Variants in NEK5 observed in about 807,000 individuals in gnomAD.
The protein encoded by NEK5 is NIMA related kinase 5, also known as serine/threonine-protein kinase Nek5.
Under a neutral mutation model 109.2 loss-of-function variants are expected in NEK5, and 88 were observed. The ratio of observed to expected loss-of-function variants is 0.81; its 90% CI spans 0.68 to 0.96. The LOEUF (loss-of-function observed/expected upper bound fraction) is 0.96, where lower values mean the gene tolerates loss of function less well. NEK5 is among the 40% of genes least tolerant of loss of function. NEK5 has a pLI of 0.00. For missense variants in NEK5, 834 were observed against 920.7 expected, an observed-to-expected ratio of 0.91 and a Z score of 1.22; for synonymous variants, 283 against 299.9, an observed-to-expected ratio of 0.94 and a Z score of 0.58.
chr13:52,042,261 C>G (rs1033134697), intron 23 of NEK5, among the ~76,000 whole-genome samples: 1 of 150,854 alleles, frequency 6.6e-6, no homozygotes, highest in Non-Finnish European at 1.5e-5. Flanking sequence ...TATACATCAA[C>G]AAGAAAAAAA....
chr13:52,049,989 T>C (rs1316395706), intron 23 of NEK5, 115 bp downstream of exon 23: 1 of 186,186 alleles, frequency 5.4e-6, no homozygotes, highest in African/African-American at 2.4e-5. Flanking sequence ...AACCCGTGCA[T>C]TGTAAAACTT....
At chr13:52,045,581 A>C (rs12560598) in intron 23 of NEK5, among the ~76,000 whole-genome samples, 80,963 of 139,522 alleles carry the variant, frequency 0.58, 25,741 homozygotes, top group Non-Finnish European at 0.71. Context: ...CTGGCTAACA[A>C]GGTGAAACCC....
chr13:52,079,475 T>G (rs1242094542), intron 17 of NEK5, among the ~76,000 whole-genome samples: 1 of 152,226 alleles, frequency 6.6e-6, no homozygotes, highest in African/African-American at 2.4e-5. Context: ...GGTTTTCGTA[T>G]TTTTTTGGTG....
intron 13 of NEK5, among the ~76,000 whole-genome samples, chr13:52,091,655 C>CA (rs201469213): frequency 3.4e-3 from 513 of 151,780 alleles, no homozygotes; most frequent in Middle Eastern, 0.01. Flanking sequence ...TAACCCTGAA[C>CA]AAAAAAAATT....
At chr13:52,115,378 G>A (rs1468943935) in intron 4 of NEK5, among the ~76,000 whole-genome samples, 2 of 151,014 alleles carry the variant, frequency 1.3e-5, no homozygotes, top group African/African-American at 4.9e-5. Context: ...GCCGAGATGA[G>A]TGGATCACCT....
intron 17 of NEK5, among the ~76,000 whole-genome samples, chr13:52,078,257 T>A (rs996835587): frequency 1.3e-5 from 2 of 152,218 alleles, no homozygotes; most frequent in Non-Finnish European, 2.9e-5. Flanking sequence ...GCAACATAGA[T>A]AAATCTCAAC....
intron 1 of NEK5, chr13:52,128,804 T>C (rs879755485): frequency 6.6e-6 from 1 of 152,084 alleles, no homozygotes; most frequent in Admixed American, 6.5e-5. Flanking sequence ...CGGCCGCGGG[T>C]GAGTGGCAAG....
At chr13:52,041,201 G>A (rs1954410172) in intron 23 of NEK5, among the ~76,000 whole-genome samples, 1 of 152,006 alleles carries the variant, frequency 6.6e-6, no homozygotes, top group South Asian at 2.1e-4. Flanking sequence ...GAAAAAAATT[G>A]GACCATGAAC....
At chr13:52,090,319 G>T (rs1450787813) in intron 13 of NEK5, among the ~76,000 whole-genome samples, 1 of 152,084 alleles carries the variant, frequency 6.6e-6, no homozygotes, top group Admixed American at 6.6e-5. Flanking sequence ...AACTTCTAAG[G>T]CTCCAAAGAC....
chr13:52,050,459 G>T (rs1237210039), intron 22 of NEK5, among the ~76,000 whole-genome samples: 1 of 151,944 alleles, frequency 6.6e-6, no homozygotes, highest in South Asian at 2.1e-4. Context: ...CATTGTATTA[G>T]AAAAATTAAG....
chr13:52,083,032 A>C (rs1476621058), intron 17 of NEK5, among the ~76,000 whole-genome samples: 2 of 152,152 alleles, frequency 1.3e-5, no homozygotes, highest in African/African-American at 4.8e-5. Context: ...CTGTAGTCCC[A>C]GCTACTCGGG....
intron 1 of NEK5, 100 bp from the exon 2 acceptor site, chr13:52,127,762 C>T: frequency 3.1e-6 from 1 of 319,984 alleles, no homozygotes; most frequent in Non-Finnish European, 5.7e-6. Flanking sequence ...CCTGGCAAAA[C>T]CTCACTTTCC....
chr13:52,053,523 A>T (rs1954526438), intron 22 of NEK5, among the ~76,000 whole-genome samples: 1 of 151,520 alleles, frequency 6.6e-6, no homozygotes, highest in Admixed American at 6.6e-5. Context: ...TCCACCAAGC[A>T]CTCCCTTGCA....
intron 17 of NEK5, among the ~76,000 whole-genome samples, chr13:52,079,207 G>A (rs1209047370): frequency 6.7e-6 from 1 of 148,268 alleles, no homozygotes; most frequent in African/African-American, 2.5e-5. Context: ...TTTCAGTAGA[G>A]AAATAAGCAT....
intron 12 of NEK5, among the ~76,000 whole-genome samples, chr13:52,097,568 T>G (rs1338325440): frequency 6.6e-6 from 1 of 152,252 alleles, no homozygotes; most frequent in Non-Finnish European, 1.5e-5. Flanking sequence ...TTGTTTTGGC[T>G]GATTTCTCCC....
intron 17 of NEK5, chr13:52,082,212 G>C (rs1955026098): frequency 6.5e-6 from 2 of 309,694 alleles, no homozygotes; most frequent in East Asian, 2.6e-4. Flanking sequence ...CTACTCAGGA[G>C]GCTGAGGCAG....
intron 21 of NEK5, among the ~76,000 whole-genome samples, chr13:52,063,506 A>G (rs1481308009): frequency 1.5e-3 from 208 of 138,956 alleles, no homozygotes; most frequent in Middle Eastern, 4.6e-3. Context: ...CCGTCTGGGA[A>G]GTGAGGAGCG....
chr13:52,127,387 T>C lies in NEK5; in HGVS notation c.96A>G (p.Ile32Met), dbSNP rs772099960. 16 of 1,601,036 alleles carry C rather than the reference T, an allele frequency of 1.0e-5. No homozygotes were observed. The highest frequency in any genetic ancestry group is 1.3e-5 in the Non-Finnish European group (15 of 1,168,168). The stretch of plus-strand genomic sequence containing the variant: ...TTACCTTTTCAAAATTGATCTCTTT[T>C]ATGACACAGTGCTTGCTATCTGATT... ...KGKSDSKHCV[I>M]KEINFEKMPI... The change falls in exon 3 of 24, where the codon ATA becomes ATG. Residue 32 changes from isoleucine to methionine, a missense_variant. By Grantham distance (10) the Ile-to-Met change is conservative (BLOSUM62 1). This residue lies in a region of NEK5 where 777 missense variants were observed against 824.7 expected (regional missense o/e 0.94). Transcript: ENST00000684899.
intron 17 of NEK5, 73 bp from the exon 18 acceptor site, chr13:52,076,216 G>A: frequency 1.3e-6 from 1 of 789,898 alleles, no homozygotes; most frequent in Non-Finnish European, 2.1e-6. Flanking sequence ...TAAATCTGAT[G>A]ATTGATTTAA....
Sources: allele counts gnomAD v4.1 joint callset (sites outside exome capture counted in the v4.1 genomes callset), GRCh38; gene constraint gnomAD v4.1.1; regional missense constraint gnomAD v4.1.1; transcripts MANE v1.5; gene names NCBI Gene and HGNC (gene_info 2026-07-23, HGNC 2026-07-21).